The following WASL variants were observed in gnomAD, a reference collection of about 807,000 sequenced individuals.
WASL encodes the protein actin nucleation-promoting factor WASL.
A neutral mutation model predicts 55.5 loss-of-function variants in WASL; 20 were observed. The observed-to-expected ratio is 0.36, with a 90% CI of 0.25 to 0.52. The LOEUF is 0.52. Ranked by LOEUF, WASL falls within the 20% of genes least tolerant of loss-of-function variation. WASL has a pLI of 0.92. For missense variants in WASL, 504 were observed against 622.5 expected (o/e 0.81, Z 2.03); for synonymous variants, 249 against 217.6 (o/e 1.14, Z -1.27).
At chr7:123,707,194 T>C (rs778581063) in intron 2 of WASL, among the ~76,000 whole-genome samples, 7 of 152,140 alleles carry the variant, frequency 4.6e-5, no homozygotes, top group Non-Finnish European at 1.0e-4. Flanking sequence ...CATGAACTGA[T>C]TACCAAAGCA....
Position 123,748,603 on chromosome 7 carries a change from G to C in WASL, c.117+15C>G, listed in dbSNP as rs1339088897. 1 of 1,612,304 alleles carries C rather than the reference G, an allele frequency of 6.2e-7. No homozygotes were observed. The highest frequency in any genetic ancestry group is 1.3e-5 in the African/African-American group (1 of 74,858). On this transcript the variant is annotated intron_variant, in intron 1 of 10. Transcript: ENST00000223023. The stretch of plus-strand genomic sequence containing the variant: ...GGTAATGTCACGGGTGGCGACGCGG[G>C]TCTCGTCCACTGACCACACATTTCT...
intron 4 of WASL, among the ~76,000 whole-genome samples, chr7:123,705,989 T>TA (rs977470852): frequency 2.3e-4 from 35 of 151,814 alleles, no homozygotes; most frequent in Admixed American, 2.6e-4. Context: ...TCGGTAAATC[T>TA]AAAAAAAATA....
At chr7:123,712,583 GA>G (rs1269034073) in intron 1 of WASL, among the ~76,000 whole-genome samples, 1 of 152,112 alleles carries the variant, frequency 6.6e-6, no homozygotes, top group East Asian at 1.9e-4. Flanking sequence ...AGGATATATA[GA>G]AGTTCTTTGT....
chr7:123,735,298 C>T (rs779724583), intron 1 of WASL, among the ~76,000 whole-genome samples: 56 of 150,554 alleles, frequency 3.7e-4, no homozygotes, highest in East Asian at 3.9e-4. Flanking sequence ...AGCTTCTTAC[C>T]ATCAAAAATT....
intron 5 of WASL, among the ~76,000 whole-genome samples, chr7:123,699,359 A>G (rs913736350): frequency 4.5e-4 from 69 of 152,338 alleles, no homozygotes; most frequent in African/African-American, 1.6e-3. Context: ...CCCGGGCGAC[A>G]GAGCAAGACC....
chr7:123,709,097 C>T lies in WASL; in HGVS notation c.244G>A (p.Asp82Asn), dbSNP rs777499518. ...AGCAAAACAAAACTCACCTTAATGT[C>T]AAATATTCTTAAAAAATAAGATCTC... ...PQRSYFLRIF[D>N]IKDGKLLWEQ... Residue 82 changes from aspartate to asparagine, a missense_variant, in exon 2 of 11, where the codon GAC (aspartate) becomes AAC (asparagine). Around this residue, in one of 5 missense-constraint regions of WASL, gnomAD observed 230 missense variants for 271.9 expected, o/e 0.85. Transcript: ENST00000223023. 6.2e-7 allele frequency: 1 copy of T among 1,604,324 alleles called. No homozygotes were observed. The highest frequency in any genetic ancestry group is 1.7e-5 in the Admixed American group (1 of 58,820).
chr7:123,721,785 C>T (rs1435338116), intron 1 of WASL, among the ~76,000 whole-genome samples: 1 of 151,988 alleles, frequency 6.6e-6, no homozygotes, highest in Non-Finnish European at 1.5e-5. Context: ...TGGTGGCGGG[C>T]GCCTGTAGTC....
chr7:123,703,949 T>C (rs773816784), intron 5 of WASL, among the ~76,000 whole-genome samples: 1 of 152,162 alleles, frequency 6.6e-6, no homozygotes, highest in Non-Finnish European at 1.5e-5. Flanking sequence ...GAAAAGAACA[T>C]ATTTAGCACA....
Position 123,694,836 on chromosome 7 carries a change from A to G in WASL, c.705T>C (p.Leu235=), listed in dbSNP as rs1803466798. 6.2e-7 allele frequency: 1 copy of G among 1,610,994 alleles called. No homozygotes were observed. The highest frequency in any genetic ancestry group is 8.5e-7 in the Non-Finnish European group (1 of 1,178,938). Reference sequence around the variant, plus strand: ...CCTCTGAGATTCCACACATATCGAAAAGATTCTTCAATTCTGGATCCAAAT... The same window carrying G: ...CCTCTGAGATTCCACACATATCGAAGAGATTCTTCAATTCTGGATCCAAAT... The part of the protein sequence containing the change: ...LNNLDPELKN[L]FDMCGISEAQ... The change falls in exon 8 of 11, where the codon CTT becomes CTC. Residue 235 remains leucine (L), a synonymous_variant. Coordinates refer to ENST00000223023, the MANE Select transcript of WASL (RefSeq NM_003941.4).
chr7:123,691,443 C>T (rs904063795), intron 9 of WASL, among the ~76,000 whole-genome samples: 2 of 151,798 alleles, frequency 1.3e-5, no homozygotes, highest in African/African-American at 4.8e-5. Flanking sequence ...TTTTAAATGG[C>T]TGAAAGAAAA....
Position 123,683,517 on chromosome 7 carries a change from C to T in WASL, c.*1002G>A, listed in dbSNP as rs1029607482. On this transcript the variant is annotated 3_prime_UTR_variant, in exon 11 of 11. Transcript: ENST00000223023. ...ATCCAAATCAATGCATGTTCGGTTC[C>T]GTGTTTTAGCGCACACCTTTGCCAA... 3 of 151,790 alleles carry T rather than the reference C, an allele frequency of 2.0e-5. No individual in the cohort carries two copies. The highest frequency in any genetic ancestry group is 7.3e-5 in the African/African-American group (3 of 41,318). The allele number at this position is 151,790 out of a possible 1,614,324, so 9.4% of individuals were successfully genotyped here.
intron 5 of WASL, among the ~76,000 whole-genome samples, chr7:123,702,947 G>C (rs998056951): frequency 6.6e-6 from 1 of 152,032 alleles, no homozygotes; most frequent in East Asian, 1.9e-4. Flanking sequence ...AAAGTGTTTC[G>C]ATGGCACCAC....
In WASL at chr7:123,695,825, C is replaced by T; in HGVS notation, c.670G>A (p.Asp224Asn). Residue 224 changes from aspartate (D) to asparagine (N), a missense_variant and splice_region_variant, in exon 7 of 11, where the codon GAT becomes AAT. Coordinates refer to ENST00000223023, the MANE Select transcript of WASL (RefSeq NM_003941.4). ...ATATGATTTGAAAACATACTTACAT[C>T]AAAGCCTGTATTTGGATCCCAACCA... ...HVGWDPNTGF[D>N]LNNLDPELKN... The T allele has an allele frequency of 1.2e-6, 2 of 1,612,542 alleles. No homozygotes were observed. The highest frequency in any genetic ancestry group is 1.7e-6 in the Non-Finnish European group (2 of 1,179,006).
At chr7:123,717,940 TTTGGTCCATGG>T (rs532956361) in intron 1 of WASL, among the ~76,000 whole-genome samples, 77 of 152,314 alleles carry the variant, frequency 5.1e-4, no homozygotes, top group African/African-American at 1.8e-3. Context: ...GCAGGCTGAA[TTTGGTCCATGG>T]TTGGTACTCT....
At chr7:123,718,452 G>A (rs1447964137) in intron 1 of WASL, among the ~76,000 whole-genome samples, 3 of 152,156 alleles carry the variant, frequency 2.0e-5, no homozygotes, top group African/African-American at 7.2e-5. Flanking sequence ...GAAAACTAAA[G>A]CCAAGCAACT....
At chr7:123,748,541 C>T in intron 1 of WASL, 77 bp downstream of exon 1, 3 of 1,509,820 alleles carry the variant, frequency 2.0e-6, no homozygotes, top group Non-Finnish European at 2.7e-6. Flanking sequence ...CCTCCTTCCC[C>T]ACTCCCACTT....
intron 10 of WASL, among the ~76,000 whole-genome samples, chr7:123,688,694 A>G (rs1287345991): frequency 6.6e-6 from 1 of 152,096 alleles, no homozygotes; most frequent in African/African-American, 2.4e-5. Context: ...ATGTCACAGG[A>G]ATGAGATCTA....
chr7:123,748,636 G>A lies in WASL; in HGVS notation c.99C>T (p.Phe33=), dbSNP rs532047540. Residue 33 remains phenylalanine (F), a synonymous_variant, in exon 1 of 11, where the codon TTC becomes TTT. Transcript: ENST00000223023. ...TPQENESLFT[F]LGKKCVTMSS... is the part of the protein sequence containing the mutation. ...CACTGACCACACATTTCTTGCCGAG[G>A]AAAGTGAAGAGGGACTCGTTCTCCT... 9 of 1,613,638 alleles carry A rather than the reference G, an allele frequency of 5.6e-6. No individual in the cohort carries two copies. The highest frequency in any genetic ancestry group is 5.0e-5 in the Admixed American group (3 of 60,024).
At chr7:123,735,505 A>C (rs1804212488) in intron 1 of WASL, among the ~76,000 whole-genome samples, 1 of 152,074 alleles carries the variant, frequency 6.6e-6, no homozygotes, top group South Asian at 2.1e-4. Flanking sequence ...TTTAAAATGT[A>C]GCTAGCAGAC....
Sources: allele counts gnomAD v4.1 joint callset (sites outside exome capture counted in the v4.1 genomes callset), GRCh38; gene constraint gnomAD v4.1.1; regional missense constraint gnomAD v4.1.1; transcripts MANE v1.5; gene names NCBI Gene and HGNC (gene_info 2026-07-23, HGNC 2026-07-21).